The following SEMA3B variants were observed in gnomAD, a reference collection of about 807,000 sequenced individuals.
SEMA3B encodes semaphorin 3B, also known as semaphorin-3B.
In SEMA3B, 71 loss-of-function variants were observed where a neutral mutation model predicts 77.8. The ratio of observed to expected loss-of-function variants is 0.91; its 90% CI spans 0.75 to 1.11. The LOEUF is 1.11. SEMA3B is among the 50% of genes most tolerant of loss of function. The pLI is 0.00. For synonymous variants in SEMA3B, 470 were observed against 452.9 expected, an observed-to-expected ratio of 1.04 and a Z score of -0.48; for missense variants, 968 against 1,056.8, an observed-to-expected ratio of 0.92 and a Z score of 1.17.
Position 50,270,276 on chromosome 3 carries a change from G to T in SEMA3B, c.259G>T (p.Ala87Ser). 6.2e-7 allele frequency: 1 copy of T among 1,613,356 alleles called. No homozygotes were observed. ...CAACCTGGACAACATCAGCAAGCGG[G>T]CCAAGAAGGTGCCAGGGACTCCCAA... ...SLNLDNISKRAKKLAWPAPVE... is the reference protein window; with the variant it reads ...SLNLDNISKRSKKLAWPAPVE... Residue 87 changes from alanine to serine, a missense_variant, in exon 2 of 17, where the codon GCC (alanine) becomes TCC (serine). Coordinates refer to ENST00000616701, the MANE Select transcript of SEMA3B (RefSeq NM_001290060.2). This position sits in a 1 kb window ranked among gnomAD's most constrained non-coding sequence, Gnocchi z 4.7.
At chr3:50,264,861 G>C (rs587658771), upstream of SEMA3B, among the ~76,000 whole-genome samples, 7 of 152,290 alleles carry the variant, frequency 4.6e-5, no homozygotes, top group African/African-American at 7.2e-5. Context: ...TGGCTGGTTG[G>C]GGGGGCTCCC....
Position 50,276,656 on chromosome 3 carries a change from G to T in SEMA3B, c.2200G>T (p.Ala734Ser). ...AAAGGGCCGTAACCGGAGGACCCACGCCCCTGAGCCTCGCGCTGAGCGGGG... is the reference window on the plus strand; with the variant it reads ...AAAGGGCCGTAACCGGAGGACCCACTCCCCTGAGCCTCGCGCTGAGCGGGG... ...RRKGRNRRTH[A>S]PEPRAERGPR... Residue 734 changes from alanine to serine, a missense_variant, in exon 17 of 17, where the codon GCC becomes TCC. Coordinates refer to ENST00000616701, the MANE Select transcript of SEMA3B (RefSeq NM_001290060.2). The surrounding 1 kb of genome is among the most constrained non-coding windows in gnomAD (Gnocchi z 5.8). The T allele has an allele frequency of 6.3e-7, 1 of 1,586,538 alleles. No individual in the cohort carries two copies.
rs1701207912 is a variant in SEMA3B at position 50,275,579 on chromosome 3, G to A, written c.1669G>A (p.Val557Ile). ...CCACAGGCGGTTCCGGCGGCAAGAC[G>A]TAAGGAATGGCGACCCCAGCACGTT... ...SAKRRFRRQD[V>I]RNGDPSTLCS... The change falls in exon 15 of 17, where the codon GTA becomes ATA. Residue 557 changes from valine (V) to isoleucine (I), a missense_variant. Val to Ile is a conservative substitution (Grantham distance 29). Coordinates refer to ENST00000616701, the MANE Select transcript of SEMA3B (RefSeq NM_001290060.2). The surrounding 1 kb of genome is among the most constrained non-coding windows in gnomAD (Gnocchi z 7.5). 1.2e-6 allele frequency: 2 copies of A among 1,613,716 alleles called. No individual in the cohort carries two copies. Among genetic ancestry groups the A allele is most frequent in the Non-Finnish European group, 1.7e-6 (2 of 1,179,892 alleles).
chr3:50,268,037 G>T (rs1700945781), upstream of SEMA3B, among the ~76,000 whole-genome samples: 1 of 152,192 alleles, frequency 6.6e-6, no homozygotes, highest in South Asian at 2.1e-4. Flanking sequence ...GAGTGAAGGG[G>T]CTCAAAGATG....
At chr3:50,264,746 C>T (rs587727367), upstream of SEMA3B, among the ~76,000 whole-genome samples, 1 of 152,288 alleles carries the variant, frequency 6.6e-6, no homozygotes, top group South Asian at 2.1e-4. Context: ...CCCTGCCGGG[C>T]TCCAGAGGAG....
At chr3:50,272,879 T>A (rs12490837) in intron 6 of SEMA3B, among the ~76,000 whole-genome samples, 4,869 of 150,040 alleles carry the variant, frequency 0.032, 270 homozygotes, top group African/African-American at 0.11. Context: ...ATAATAATAA[T>A]AAAGAGCAAT....
chr3:50,275,873 G>T lies in SEMA3B; in HGVS notation c.1845+29G>T, dbSNP rs1553706583. 1 of 1,556,960 alleles carries T rather than the reference G, an allele frequency of 6.4e-7. No individual in the cohort carries two copies. Among genetic ancestry groups the T allele is most frequent in the African/African-American group, 1.4e-5 (1 of 73,834 alleles). On this transcript the variant is annotated intron_variant, in intron 16 of 16. Transcript: ENST00000616701. The surrounding 1 kb of genome is among the most constrained non-coding windows in gnomAD (Gnocchi z 7.5). ...AGCCTTACTCCGCCCTCCCCGCCAG[G>T]CTCCTGTCCCACCCCCTGCATCCAG...
Position 50,274,089 on chromosome 3 carries a change from A to C in SEMA3B, c.1137+32A>C. 1 of 1,605,146 alleles carries C rather than the reference A, an allele frequency of 6.2e-7. No homozygotes were observed. The highest frequency in any genetic ancestry group is 1.1e-5 in the South Asian group (1 of 90,208). ...AGCCCAGGGACTTCTGCTACAACCC[A>C]CTTCAAAGCCTCAAGGGTTTGAGAA... is the stretch of plus-strand genomic sequence containing the variant. On this transcript the variant is annotated intron_variant, in intron 10 of 16. Coordinates refer to ENST00000616701, the MANE Select transcript of SEMA3B (RefSeq NM_001290060.2). The surrounding 1 kb of genome is among the most constrained non-coding windows in gnomAD (Gnocchi z 4.7).
Position 50,270,578 on chromosome 3 carries a change from C to T in SEMA3B, c.330+83C>T. The T allele has an allele frequency of 2.5e-6, 4 of 1,578,862 alleles. No homozygotes were observed. In the Admixed American group the frequency reaches 6.8e-5, roughly 27 times the overall value. On this transcript the variant is annotated intron_variant, in intron 3 of 16. Coordinates refer to ENST00000616701, the MANE Select transcript of SEMA3B (RefSeq NM_001290060.2). The surrounding 1 kb of genome is among the most constrained non-coding windows in gnomAD (Gnocchi z 4.7). ...AGGGCAGGGCTAAAACAGAGGCCTG[C>T]CTGTTCTGGCTGGGATGAGGGCAGG...
chr3:50,274,160 A>G lies in SEMA3B; in HGVS notation c.1137+103A>G. On this transcript the variant is annotated intron_variant, in intron 10 of 16. Coordinates refer to ENST00000616701, the MANE Select transcript of SEMA3B (RefSeq NM_001290060.2). The surrounding 1 kb of genome is among the most constrained non-coding windows in gnomAD (Gnocchi z 4.7). ...GTGAATGTGGTTTCTTCCTTTAGTT[A>G]TGGGTGGGAAAACGTTTCCATCATA... 1 of 1,527,672 alleles carries G rather than the reference A, an allele frequency of 6.5e-7. No homozygotes were observed. Among genetic ancestry groups the G allele is most frequent in the Non-Finnish European group, 8.8e-7 (1 of 1,131,478 alleles). The allele number at this position is 1,527,672 out of a possible 1,614,324, so 94.6% of individuals were successfully genotyped here.
At position 50,274,009 on chromosome 3, in the gene SEMA3B, C is replaced by G. The variant is rs782564586; in HGVS notation, c.1089C>G (p.His363Gln). 1.2e-6 allele frequency: 2 copies of G among 1,613,662 alleles called. No homozygotes were observed. Among genetic ancestry groups the G allele is most frequent in the South Asian group, 2.2e-5 (2 of 91,076 alleles). Residue 363 changes from histidine to glutamine, a missense_variant, in exon 10 of 17, where the codon CAC (histidine) becomes CAG (glutamine). Transcript: ENST00000616701. This position sits in a 1 kb window ranked among gnomAD's most constrained non-coding sequence, Gnocchi z 4.7. ...GPFAHKEGPM[H>Q]QWVSYQGRVP... ...TTGCACACAAGGAGGGGCCCATGCA[C>G]CAGTGGGTGTCATACCAGGGTCGCG...
At chr3:50,264,753 G>A (rs1477413778), upstream of SEMA3B, among the ~76,000 whole-genome samples, 1 of 152,230 alleles carries the variant, frequency 6.6e-6, no homozygotes, top group Non-Finnish European at 1.5e-5. Flanking sequence ...GGGCTCCAGA[G>A]GAGGGAGGGA....
In SEMA3B at chr3:50,269,320, G is replaced by T. The variant is rs1575465798; in HGVS notation, c.80G>T (p.Ser27Ile). The change falls in exon 1 of 17, where the codon AGC (serine) becomes ATC (isoleucine). Residue 27 changes from serine (S) to isoleucine (I), a missense_variant. Physicochemically the swap from Ser to Ile is moderately radical, Grantham distance 142 (BLOSUM62 -2). Transcript: ENST00000616701. This position sits in a 1 kb window ranked among gnomAD's most constrained non-coding sequence, Gnocchi z 4.0. ...WAVGLGSAAP[S>I]PPRLRLSFQE... ...GTGGGGCTGGGGAGTGCCGCCCCCA[G>T]CCCCCCACGCCTTCGGCTCTCCTTC... is the stretch of plus-strand genomic sequence containing the variant. 4.0e-6 allele frequency: 6 copies of T among 1,516,364 alleles called. No homozygotes were observed. The highest frequency in any genetic ancestry group is 2.3e-5 in the Admixed American group (1 of 43,232). The allele number at this position is 1,516,364 out of a possible 1,614,324, so 93.9% of individuals were successfully genotyped here.
upstream of SEMA3B, among the ~76,000 whole-genome samples, chr3:50,263,520 AAAAAAG>A (rs1553704170): frequency 6.6e-6 from 1 of 150,674 alleles, no homozygotes; most frequent in Non-Finnish European, 1.5e-5. Flanking sequence ...AAAAAAAAAA[AAAAAAG>A]ATGAAAAAGA....
At chr3:50,264,858 T>C (rs943045107), upstream of SEMA3B, among the ~76,000 whole-genome samples, 52 of 151,722 alleles carry the variant, frequency 3.4e-4, no homozygotes, top group Admixed American at 6.5e-4. Flanking sequence ...ATGTGGCTGG[T>C]TGGGGGGGCT....
Position 50,276,840 on chromosome 3 carries a change from G to A in SEMA3B, c.*134G>A. 2 of 1,116,418 alleles carry A rather than the reference G, an allele frequency of 1.8e-6. No homozygotes were observed. The highest frequency in any genetic ancestry group is 1.2e-6 in the Non-Finnish European group (1 of 833,726). The allele number at this position is 1,116,418 out of a possible 1,614,324, so 69.2% of individuals were successfully genotyped here. Reference sequence around the variant, plus strand: ...GGCCGATGGAGACACCAACCGACAGGCCCTGGCTGAGGGCAGCTGCGCGGG... The same window carrying A: ...GGCCGATGGAGACACCAACCGACAGACCCTGGCTGAGGGCAGCTGCGCGGG... On this transcript the variant is annotated 3_prime_UTR_variant, in exon 17 of 17. Coordinates refer to ENST00000616701, the MANE Select transcript of SEMA3B (RefSeq NM_001290060.2). The surrounding 1 kb of genome is among the most constrained non-coding windows in gnomAD (Gnocchi z 5.8).
Position 50,273,505 on chromosome 3 carries a change from C to G in SEMA3B, c.811-30C>G. 5 of 1,610,104 alleles carry G rather than the reference C, an allele frequency of 3.1e-6. No individual in the cohort carries two copies. The highest frequency in any genetic ancestry group is 1.3e-5 in the African/African-American group (1 of 74,966). Reference sequence around the variant, plus strand: ...CCTACCCCTTTGCCTGCCCTGGTCTCGCCCTCATCCCCTTTGATCGTCCCG... The same window carrying G: ...CCTACCCCTTTGCCTGCCCTGGTCTGGCCCTCATCCCCTTTGATCGTCCCG... On this transcript the variant is annotated intron_variant, in intron 7 of 16. Coordinates refer to ENST00000616701, the MANE Select transcript of SEMA3B (RefSeq NM_001290060.2). The surrounding 1 kb of genome is among the most constrained non-coding windows in gnomAD (Gnocchi z 6.5).
chr3:50,276,764 A>C lies in SEMA3B; in HGVS notation c.*58A>C. On this transcript the variant is annotated 3_prime_UTR_variant, in exon 17 of 17. Transcript: ENST00000616701. This position sits in a 1 kb window ranked among gnomAD's most constrained non-coding sequence, Gnocchi z 5.8. ...AGACGACAGGCGAGAGAGGAGCCAG[A>C]CAGACCCTGAAAAGAAGGACGGGTT... 1 of 1,420,340 alleles carries C rather than the reference A, an allele frequency of 7.0e-7. No homozygotes were observed. Among genetic ancestry groups the C allele is most frequent in the Non-Finnish European group, 9.1e-7 (1 of 1,094,560 alleles). 88.0% of individuals were successfully genotyped at this position (1,420,340 alleles called of 1,614,324 possible).
In SEMA3B at chr3:50,276,791, G is replaced by A. The variant is rs1701270850; in HGVS notation, c.*85G>A. ...AGACCCTGAAAAGAAGGACGGGTTG[G>A]GGCCGGGCACATTGGGGGTCACCGG... is the stretch of plus-strand genomic sequence containing the variant. On this transcript the variant is annotated 3_prime_UTR_variant, in exon 17 of 17. Transcript: ENST00000616701. This position sits in a 1 kb window ranked among gnomAD's most constrained non-coding sequence, Gnocchi z 5.8. 23 of 1,392,662 alleles carry A rather than the reference G, an allele frequency of 1.7e-5. No individual in the cohort carries two copies. The allele number at this position is 1,392,662 out of a possible 1,614,324, so 86.3% of individuals were successfully genotyped here.
Sources: allele counts gnomAD v4.1 joint callset (sites outside exome capture counted in the v4.1 genomes callset), GRCh38; gene constraint gnomAD v4.1.1; non-coding constraint Gnocchi (gnomAD v3.1); transcripts MANE v1.5; gene names NCBI Gene and HGNC (gene_info 2026-07-23, HGNC 2026-07-21).